DGKB: variants seen among roughly 807,000 people sequenced by gnomAD.
DGKB encodes diacylglycerol kinase beta, also known as 90 kDa diacylglycerol kinase.
Under a neutral mutation model 114.3 loss-of-function variants are expected in DGKB, and 67 were observed. The observed-to-expected ratio is 0.59, with a 90% CI of 0.48 to 0.72. The LOEUF is 0.72. Ranked by LOEUF, DGKB falls within the 30% of genes least tolerant of loss-of-function variation. The pLI, the probability that DGKB is intolerant of heterozygous loss-of-function variation, is 0.00. For missense variants in DGKB, 907 were observed against 975.2 expected (o/e 0.93, Z 0.93); for synonymous variants, 398 against 323.1 (o/e 1.23, Z -2.49).
chr7:14,495,277 A>G (rs1262232746), intron 20 of DGKB, among the ~76,000 whole-genome samples: 1 of 151,824 alleles, frequency 6.6e-6, no homozygotes, highest in Non-Finnish European at 1.5e-5. Flanking sequence ...ATTATTTGTC[A>G]CTAAATACAC....
chr7:14,368,991 A>C (rs764085578), intron 21 of DGKB, among the ~76,000 whole-genome samples: 13 of 152,212 alleles, frequency 8.5e-5, no homozygotes, highest in Non-Finnish European at 1.5e-4. Context: ...TTACATAGGT[A>C]TACATGTGCC....
intron 1 of DGKB, among the ~76,000 whole-genome samples, chr7:14,963,896 T>A (rs141444060): frequency 6.6e-6 from 1 of 152,266 alleles, no homozygotes; most frequent in East Asian, 1.9e-4. Flanking sequence ...GATCTTGCTC[T>A]GTAGCTGCAC....
intron 23 of DGKB, among the ~76,000 whole-genome samples, chr7:14,202,704 A>G (rs1786096094): frequency 1.3e-5 from 2 of 152,016 alleles, no homozygotes; most frequent in South Asian, 2.1e-4. Flanking sequence ...ACAATTTGAT[A>G]CTATTATTAA....
At chr7:14,948,331 T>C (rs1331196220) in intron 1 of DGKB, among the ~76,000 whole-genome samples, 1 of 151,864 alleles carries the variant, frequency 6.6e-6, no homozygotes, top group Non-Finnish European at 1.5e-5. Context: ...ATTTAAATCA[T>C]GTTTTGTCAG....
chr7:14,599,515 C>G (rs1352906355), intron 17 of DGKB, among the ~76,000 whole-genome samples: 1 of 152,288 alleles, frequency 6.6e-6, no homozygotes, highest in South Asian at 2.1e-4. Flanking sequence ...ACCTCCTCAT[C>G]TTCACATCTA....
At chr7:14,310,410 A>G (rs1053989119) in intron 23 of DGKB, among the ~76,000 whole-genome samples, 1 of 152,150 alleles carries the variant, frequency 6.6e-6, no homozygotes, top group Non-Finnish European at 1.5e-5. Context: ...TTTCGCAATG[A>G]GAAGGAAGAC....
rs1473797060 is a variant in DGKB, at chr7:14,718,820, G to C, written c.323-135C>G. ...TAGGCATAGAATAACCAAATTCTCT[G>C]TAAGATCGGTACAGCAGCTAGACAT... On this transcript the variant is annotated intron_variant, in intron 5 of 25. Transcript: ENST00000402815. 6 of 643,796 alleles carry C rather than the reference G, an allele frequency of 9.3e-6. No homozygotes were observed. The Admixed American group carries it at 1.8e-4, about 19-fold the overall frequency. The allele number at this position is 643,796 out of a possible 1,614,324, so 39.9% of individuals were successfully genotyped here. A position where few individuals can be genotyped will look rare whatever the true frequency, so the allele number is the denominator to read the frequency against.
At chr7:14,305,217 C>T (rs192470553) in intron 23 of DGKB, among the ~76,000 whole-genome samples, 1 of 152,184 alleles carries the variant, frequency 6.6e-6, no homozygotes. Flanking sequence ...TGCTATTGAA[C>T]ACTAGAACGT....
At chr7:14,637,425 A>G (rs540193031) in intron 13 of DGKB, among the ~76,000 whole-genome samples, 1 of 151,842 alleles carries the variant, frequency 6.6e-6, no homozygotes, top group South Asian at 2.1e-4. Flanking sequence ...TAGGCTATCT[A>G]CAAATGTATA....
intron 5 of DGKB, among the ~76,000 whole-genome samples, chr7:14,723,537 A>G (rs1254116968): frequency 6.6e-6 from 1 of 151,998 alleles, no homozygotes; most frequent in African/African-American, 2.4e-5. Flanking sequence ...TTTCATCACA[A>G]AAGTGAAGCA....
chr7:14,841,268 G>C lies in DGKB; in HGVS notation c.-5C>G. Reference sequence around the variant, plus strand: ...CCATTTTTCCTGGTTTGTCATGGTGGTGGTGAGAAGCTCTGTCACATACCA... The same window carrying C: ...CCATTTTTCCTGGTTTGTCATGGTGCTGGTGAGAAGCTCTGTCACATACCA... On this transcript the variant is annotated 5_prime_UTR_variant, in exon 2 of 26. Coordinates refer to ENST00000402815, the MANE Select transcript of DGKB (RefSeq NM_001350709.2). 1 of 1,613,348 alleles carries C rather than the reference G, an allele frequency of 6.2e-7. No homozygotes were observed. The highest frequency in any genetic ancestry group is 8.5e-7 in the Non-Finnish European group (1 of 1,179,594).
chr7:14,177,554 C>CAAAAAAAAAAAAA lies in DGKB; in HGVS notation c.2243+464_2243+476dup, dbSNP rs56019837. ...GGGCAACAAGAGTGAAACTCCGTCTCAAAAAAAAAAAAAAAAAAAAAAAAA... is the reference window on the plus strand; with the variant it reads ...GGGCAACAAGAGTGAAACTCCGTCTCAAAAAAAAAAAAAAAAAAAAAAAAAAAAAAAAAAAAAA... On this transcript the variant is annotated intron_variant, in intron 24 of 25. Coordinates refer to ENST00000402815, the MANE Select transcript of DGKB (RefSeq NM_001350709.2). Among the ~76,000 whole-genome samples the CAAAAAAAAAAAAA allele has an allele frequency of 1.0e-4, 7 of 69,026 alleles. 1 individual carries two copies. Among genetic ancestry groups the CAAAAAAAAAAAAA allele is most frequent in the Admixed American group, 4.6e-4 (2 of 4,310 alleles). The allele number at this position is 69,026 out of a possible 152,430, so 45.3% of individuals were successfully genotyped here.
At chr7:14,767,665 A>G (rs1836667461) in intron 2 of DGKB, among the ~76,000 whole-genome samples, 1 of 152,012 alleles carries the variant, frequency 6.6e-6, no homozygotes, top group South Asian at 2.1e-4. Context: ...AGTTATATGT[A>G]AAATAGAAAT....
At chr7:14,968,393 T>G (rs1480802514) in intron 1 of DGKB, among the ~76,000 whole-genome samples, 1 of 152,192 alleles carries the variant, frequency 6.6e-6, no homozygotes, top group Non-Finnish European at 1.5e-5. Context: ...GGTAATAAAT[T>G]ACATATTTGT....
intron 1 of DGKB, among the ~76,000 whole-genome samples, chr7:14,933,748 T>G (rs753121707): frequency 2.0e-5 from 3 of 152,186 alleles, no homozygotes; most frequent in Non-Finnish European, 4.4e-5. Context: ...AGAATACAAA[T>G]TTCCTCGTTT....
chr7:14,687,781 A>G (rs1821982193), intron 9 of DGKB, among the ~76,000 whole-genome samples: 1 of 152,194 alleles, frequency 6.6e-6, no homozygotes, highest in South Asian at 2.1e-4. Context: ...TGTCCATTAC[A>G]TGTGAATAAG....
rs150259646 is a variant in DGKB, at chr7:14,763,612, A to G, written c.71-5881T>C. 8.0e-3 allele frequency among the ~76,000 whole-genome samples: 1,220 copies of G among 152,138 alleles called. 17 individuals carry two copies. The highest frequency in any genetic ancestry group is 7.8e-3 in the Non-Finnish European group (533 of 67,952). On this transcript the variant is annotated intron_variant, in intron 2 of 25. Transcript: ENST00000402815. ...ATACAAGTTTATAATTTGGCTTAGG[A>G]ACCTCATTATTACAACAGCTAAAAT...
intron 21 of DGKB, among the ~76,000 whole-genome samples, chr7:14,471,646 C>T (rs901275617): frequency 7.3e-5 from 11 of 151,524 alleles, no homozygotes; most frequent in Admixed American, 3.3e-4. Flanking sequence ...TACGTAAAGG[C>T]TGAGAAAACT....
intron 23 of DGKB, among the ~76,000 whole-genome samples, chr7:14,325,797 T>A (rs763192708): frequency 6.6e-6 from 1 of 152,198 alleles, no homozygotes; most frequent in Non-Finnish European, 1.5e-5. Context: ...CTAGAAGGGC[T>A]ACTGGTCCAC....
Sources: gnomAD v4.1 joint callset for allele counts (sites outside exome capture counted in the v4.1 genomes callset) on GRCh38, gnomAD v4.1.1 for gene constraint, MANE v1.5 for transcripts, NCBI Gene and HGNC (gene_info 2026-07-23, HGNC 2026-07-21) for gene names.